The following MAOB variants were observed in gnomAD, a reference collection of about 807,000 sequenced individuals.
MAOB encodes monoamine oxidase B.
In MAOB, 15 loss-of-function variants were observed where a neutral mutation model predicts 41.9. The ratio of observed to expected loss-of-function variants is 0.36; its 90% CI spans 0.24 to 0.55. The LOEUF is 0.55. Among genes scored for constraint, MAOB ranks in the 20% least tolerant of loss-of-function variants. The pLI, the probability that MAOB is intolerant of heterozygous loss-of-function variation, is 0.86. For missense variants in MAOB, 345 were observed against 398.7 expected, an observed-to-expected ratio of 0.87 and a Z score of 1.15; for synonymous variants, 167 against 144.2, an observed-to-expected ratio of 1.16 and a Z score of -1.13.
chrX:43,775,499 T>C (rs2034243993), intron 11 of MAOB, among the ~76,000 whole-genome samples: 1 of 112,108 alleles, frequency 8.9e-6, no homozygotes, highest in South Asian at 3.7e-4. Flanking sequence ...TTGGTTTCTT[T>C]GTATCTTAAG....
At chrX:43,837,131 C>T (rs1457359657) in intron 3 of MAOB, among the ~76,000 whole-genome samples, 1 of 111,879 alleles carries the variant, frequency 8.9e-6, no homozygotes, top group African/African-American at 3.2e-5. Context: ...TTTAAAGATC[C>T]TAGTGTTCTG....
intron 3 of MAOB, among the ~76,000 whole-genome samples, chrX:43,819,685 C>G (rs1471851990): frequency 8.9e-6 from 1 of 111,779 alleles, no homozygotes; most frequent in Non-Finnish European, 1.9e-5. Context: ...CTGGGGTGGC[C>G]CAGACCTCAT....
At chrX:43,781,884 T>C (rs772168232) in intron 8 of MAOB, among the ~76,000 whole-genome samples, 30 of 111,876 alleles carry the variant, frequency 2.7e-4, no homozygotes, top group Non-Finnish European at 4.7e-4. Flanking sequence ...AATCCAAAGA[T>C]GTGTAAAGGA....
chrX:43,877,240 T>C (rs1298589315), intron 1 of MAOB, among the ~76,000 whole-genome samples: 1 of 111,766 alleles, frequency 8.9e-6, no homozygotes, highest in Non-Finnish European at 1.9e-5. Flanking sequence ...CCTGAATGTA[T>C]GGCAGGGAGC....
At chrX:43,804,548 G>C (rs972615614) in intron 3 of MAOB, among the ~76,000 whole-genome samples, 1 of 111,493 alleles carries the variant, frequency 9.0e-6, no homozygotes, top group Non-Finnish European at 1.9e-5. Context: ...GATATAGATG[G>C]AGAGAGAGAC....
At chrX:43,843,355 TCTCACACACACACACACACA>T (rs1230934020) in intron 2 of MAOB, among the ~76,000 whole-genome samples, 1 of 74,541 alleles carries the variant, frequency 1.3e-5, no homozygotes, top group Admixed American at 1.6e-4. Context: ...TCTCTCTCTG[TCTCACACACACACACACACA>T]CACACACACA....
At chrX:43,860,775 A>G (rs907760560) in intron 1 of MAOB, among the ~76,000 whole-genome samples, 1 of 111,071 alleles carries the variant, frequency 9.0e-6, no homozygotes, top group Non-Finnish European at 1.9e-5. Context: ...ACTCTTGCTT[A>G]GTTGTCTTTC....
chrX:43,830,276 T>C (rs777125917), intron 3 of MAOB, among the ~76,000 whole-genome samples: 7 of 111,199 alleles, frequency 6.3e-5, no homozygotes, highest in Non-Finnish European at 1.1e-4. Context: ...GACTAGTAAA[T>C]CCTGAGATGC....
At chrX:43,807,214 A>C (rs1236761787) in intron 3 of MAOB, among the ~76,000 whole-genome samples, 2 of 112,466 alleles carry the variant, frequency 1.8e-5, no homozygotes, top group African/African-American at 3.2e-5. Context: ...AAACCTGTGG[A>C]TTGATCCAGG....
intron 3 of MAOB, among the ~76,000 whole-genome samples, chrX:43,821,022 A>C (rs1371023735): frequency 1.8e-5 from 2 of 112,016 alleles, no homozygotes; most frequent in Non-Finnish European, 3.8e-5. Context: ...GGCTGTGGCA[A>C]AGATTAAATG....
At chrX:43,862,207 T>C (rs979745885) in intron 1 of MAOB, among the ~76,000 whole-genome samples, 12 of 111,938 alleles carry the variant, frequency 1.1e-4, no homozygotes, top group African/African-American at 3.9e-4. Flanking sequence ...AATGATATTA[T>C]GTTCTTCTGT....
rs749934767 is a variant in MAOB, at chrX:43,790,081, C to T, written c.928+3338G>A. ...CATAAAACCAAAACTCTGGTGATTACTGACTGTGTGCCTGATATGTGCTAA... is the reference window on the plus strand; with the variant it reads ...CATAAAACCAAAACTCTGGTGATTATTGACTGTGTGCCTGATATGTGCTAA... On this transcript the variant is annotated intron_variant, in intron 8 of 14. Transcript: ENST00000378069. Among the ~76,000 whole-genome samples the T allele has an allele frequency of 1.7e-4, 19 of 111,762 alleles. No homozygotes were observed. The Admixed American group carries it at 1.7e-3, about 10-fold the overall frequency.
At chrX:43,803,783 T>A (rs1479611958) in intron 3 of MAOB, among the ~76,000 whole-genome samples, 1 of 111,161 alleles carries the variant, frequency 9.0e-6, no homozygotes, top group African/African-American at 3.3e-5. Flanking sequence ...AGTCAGAAAA[T>A]TATAACTATA....
At chrX:43,820,398 A>T (rs960506679) in intron 3 of MAOB, among the ~76,000 whole-genome samples, 1 of 112,351 alleles carries the variant, frequency 8.9e-6, no homozygotes, top group African/African-American at 3.2e-5. Flanking sequence ...GTAAAATTTC[A>T]GGTTCATAAA....
At chrX:43,803,174 T>G in intron 4 of MAOB, 126 bp downstream of exon 4, 2 of 548,767 alleles carry the variant, frequency 3.6e-6, no homozygotes, top group Non-Finnish European at 5.3e-6. Flanking sequence ...CATTCATTCA[T>G]TTCACAAATC....
At chrX:43,787,626 G>T (rs759391585) in intron 8 of MAOB, among the ~76,000 whole-genome samples, 94 of 110,115 alleles carry the variant, frequency 8.5e-4, no homozygotes, top group Non-Finnish European at 1.5e-3. Flanking sequence ...AGAGGTACTT[G>T]TGTACAATTT....
At chrX:43,804,550 G>C (rs76724395) in intron 3 of MAOB, among the ~76,000 whole-genome samples, 10 of 111,611 alleles carry the variant, frequency 9.0e-5, no homozygotes, top group Admixed American at 8.6e-4. Flanking sequence ...TATAGATGGA[G>C]AGAGAGACAG....
intron 3 of MAOB, among the ~76,000 whole-genome samples, chrX:43,823,118 C>T (rs970778944): frequency 9.2e-6 from 1 of 108,557 alleles, no homozygotes; most frequent in Non-Finnish European, 1.9e-5. Flanking sequence ...CAAACCCAGG[C>T]CCCTCTGGGT....
At chrX:43,872,529 T>C (rs2035415025) in intron 1 of MAOB, among the ~76,000 whole-genome samples, 1 of 112,027 alleles carries the variant, frequency 8.9e-6, no homozygotes, top group Admixed American at 9.5e-5. Flanking sequence ...TTTCTAACAT[T>C]TATCTCTGGA....
Sources: allele counts gnomAD v4.1 joint callset (sites outside exome capture counted in the v4.1 genomes callset), GRCh38; gene constraint gnomAD v4.1.1; transcripts MANE v1.5; gene names NCBI Gene and HGNC (gene_info 2026-07-23, HGNC 2026-07-21).